UNC13C: variants seen among roughly 807,000 people sequenced by gnomAD.
UNC13C encodes the protein unc-13 homolog C, also known as protein unc-13 homolog C.
A neutral mutation model predicts 245.4 loss-of-function variants in UNC13C; 174 were observed. The ratio of observed to expected loss-of-function variants is 0.71; its 90% CI spans 0.63 to 0.80. UNC13C has a LOEUF of 0.80. Ranked by LOEUF, UNC13C falls within the 30% of genes least tolerant of loss-of-function variation. The probability of loss-of-function intolerance (pLI) is 0.00; values close to 1 mark genes in which losing one functional copy is unlikely to be tolerated. For synonymous variants in UNC13C, 992 were observed against 895.1 expected (o/e 1.11, Z -1.93); for missense variants, 2,829 against 2,602.9 (o/e 1.09, Z -1.89).
At chr15:54,120,711 T>G (rs1278885320) in intron 2 of UNC13C, among the ~76,000 whole-genome samples, 1 of 151,880 alleles carries the variant, frequency 6.6e-6, no homozygotes, top group Non-Finnish European at 1.5e-5. Flanking sequence ...TAAGGCCATT[T>G]GTGATTCATG....
chr15:53,969,111 G>A, the UNC13C span, among the ~76,000 whole-genome samples: 1 of 152,118 alleles, frequency 6.6e-6, no homozygotes, highest in Non-Finnish European at 1.5e-5. Context: ...CAGAATCTCT[G>A]GAGTTCAGAG....
At chr15:54,035,402 T>C (rs757447768) in intron 2 of UNC13C, among the ~76,000 whole-genome samples, 3 of 152,184 alleles carry the variant, frequency 2.0e-5, no homozygotes, top group Non-Finnish European at 2.9e-5. Context: ...ATGATTTGTA[T>C]AGCAAAAATC....
intron 19 of UNC13C, among the ~76,000 whole-genome samples, chr15:54,493,531 G>T (rs904923340): frequency 2.0e-5 from 3 of 151,904 alleles, no homozygotes; most frequent in Non-Finnish European, 4.4e-5. Context: ...TCTATATTCC[G>T]GTTTTGAAAA....
chr15:54,139,378 G>A (rs1164537315), intron 2 of UNC13C, among the ~76,000 whole-genome samples: 2 of 152,078 alleles, frequency 1.3e-5, no homozygotes, highest in Non-Finnish European at 2.9e-5. Flanking sequence ...AGGCCACATT[G>A]TGATGTACCA....
At position 54,338,355 on chromosome 15, in the gene UNC13C, T is replaced by TGTCC. The variant is rs34403772; in HGVS notation, c.4585-3_4585-2insCGTC. On this transcript the variant is annotated splice_region_variant and splice_polypyrimidine_tract_variant and intron_variant, in intron 16 of 32. Coordinates refer to ENST00000260323, the MANE Select transcript of UNC13C (RefSeq NM_001080534.3). ...ATTTGAGAAAATAAATGTCTGTCTT[T>TGTCC]GTCAGGTTCTGGAGCTGCAAAGCCC... 2.6e-6 allele frequency: 4 copies of TGTCC among 1,539,862 alleles called. No individual in the cohort carries two copies. The South Asian group carries it at 4.5e-5, about 17-fold the overall frequency.
At chr15:54,524,325 G>A (rs973272594) in intron 24 of UNC13C, among the ~76,000 whole-genome samples, 2 of 152,110 alleles carry the variant, frequency 1.3e-5, no homozygotes, top group African/African-American at 4.8e-5. Flanking sequence ...TGATTACTGA[G>A]ACAGAAGAAA....
intron 29 of UNC13C, among the ~76,000 whole-genome samples, chr15:54,567,215 C>CA (rs34847215): frequency 0.33 from 50,002 of 151,184 alleles, 8,616 homozygotes; most frequent in East Asian, 0.54. Flanking sequence ...ATAAAAATAG[C>CA]AAAAAAAAGT....
intron 2 of UNC13C, among the ~76,000 whole-genome samples, chr15:54,016,130 A>G (rs1895646051): frequency 6.6e-6 from 1 of 152,178 alleles, no homozygotes; most frequent in African/African-American, 2.4e-5. Context: ...AACCCAACAC[A>G]TTGTGGATCA....
At chr15:54,485,702 C>T (rs1330114193) in intron 19 of UNC13C, among the ~76,000 whole-genome samples, 1 of 152,172 alleles carries the variant, frequency 6.6e-6, no homozygotes, top group Non-Finnish European at 1.5e-5. Context: ...CTCTCTGAAC[C>T]CAGATCTCAA....
At chr15:54,490,329 A>G (rs938595436) in intron 19 of UNC13C, among the ~76,000 whole-genome samples, 10 of 152,128 alleles carry the variant, frequency 6.6e-5, no homozygotes, top group Non-Finnish European at 1.5e-4. Flanking sequence ...CAACGGGAAG[A>G]CTTGTGAAGT....
intron 10 of UNC13C, among the ~76,000 whole-genome samples, chr15:54,290,672 T>C (rs181574745): frequency 2.0e-5 from 3 of 152,230 alleles, no homozygotes; most frequent in Non-Finnish European, 2.9e-5. Flanking sequence ...TTGTATGGAT[T>C]GCTATTTGTA....
At chr15:54,444,575 G>T (rs993395416) in intron 19 of UNC13C, among the ~76,000 whole-genome samples, 17 of 151,486 alleles carry the variant, frequency 1.1e-4, no homozygotes, top group Admixed American at 2.6e-4. Context: ...ATTGTTAATT[G>T]TTCACTGGAT....
At chr15:54,524,850 A>G (rs1361477614) in intron 24 of UNC13C, among the ~76,000 whole-genome samples, 1 of 152,202 alleles carries the variant, frequency 6.6e-6, no homozygotes, top group Admixed American at 6.5e-5. Flanking sequence ...AAATTTCTAA[A>G]GGTAGAAAGA....
intron 2 of UNC13C, among the ~76,000 whole-genome samples, chr15:54,034,999 T>C (rs919728439): frequency 4.6e-5 from 7 of 152,348 alleles, no homozygotes; most frequent in African/African-American, 9.6e-5. Flanking sequence ...CCAGAAGATA[T>C]AAACTAGTAC....
intron 13 of UNC13C, among the ~76,000 whole-genome samples, chr15:54,309,993 A>ATTTG (rs2037826181): frequency 6.6e-6 from 1 of 151,856 alleles, no homozygotes; most frequent in African/African-American, 2.4e-5. Flanking sequence ...TTTACTTGCA[A>ATTTG]AAGTAAAGTC....
chr15:53,944,750 G>A, the UNC13C span, among the ~76,000 whole-genome samples: 1 of 152,128 alleles, frequency 6.6e-6, no homozygotes, highest in African/African-American at 2.4e-5. Context: ...TGTCCTTATG[G>A]TAGAATGATT....
At chr15:54,404,837 T>A (rs2040261081) in intron 18 of UNC13C, among the ~76,000 whole-genome samples, 1 of 152,182 alleles carries the variant, frequency 6.6e-6, no homozygotes, top group South Asian at 2.1e-4. Context: ...TATAGCTCAG[T>A]ACTTCTGAAG....
intron 1 of UNC13C, among the ~76,000 whole-genome samples, chr15:54,002,688 T>C (rs1324363611): frequency 6.6e-6 from 1 of 152,194 alleles, no homozygotes; most frequent in Non-Finnish European, 1.5e-5. Context: ...TTCTAACAAA[T>C]GTCAAAATTA....
chr15:54,280,479 A>G (rs978731298), intron 10 of UNC13C, among the ~76,000 whole-genome samples: 1 of 151,408 alleles, frequency 6.6e-6, no homozygotes, highest in African/African-American at 2.4e-5. Context: ...AATAACATTC[A>G]GTGAGTCAAG....
Sources: allele counts gnomAD v4.1 joint callset (sites outside exome capture counted in the v4.1 genomes callset), GRCh38; gene constraint gnomAD v4.1.1; transcripts MANE v1.5; gene names NCBI Gene and HGNC (gene_info 2026-07-23, HGNC 2026-07-21).